Variants in PLXDC2 observed in about 807,000 individuals in gnomAD.
PLXDC2 encodes the protein plexin domain-containing protein 2.
PLXDC2 carries 40 observed loss-of-function variants against 68.9 expected under a neutral mutation model. That is an observed-to-expected ratio of 0.58 (90% CI 0.45 to 0.76). The LOEUF is 0.76. Among genes scored for constraint, PLXDC2 ranks in the 30% least tolerant of loss-of-function variants. PLXDC2 has a pLI of 0.00. For synonymous variants in PLXDC2, 243 were observed against 234.2 expected (o/e 1.04, Z -0.34); for missense variants, 644 against 661.9 (o/e 0.97, Z 0.30).
At chr10:20,146,640 G>T (rs1355898034) in intron 5 of PLXDC2, among the ~76,000 whole-genome samples, 1 of 150,130 alleles carries the variant, frequency 6.7e-6, no homozygotes. Context: ...CCAAGGTCAA[G>T]TTAAAAAACT....
intron 2 of PLXDC2, among the ~76,000 whole-genome samples, chr10:20,002,999 G>C (rs1428367580): frequency 1.3e-5 from 2 of 152,098 alleles, no homozygotes; most frequent in Admixed American, 6.5e-5. Flanking sequence ...CTTTATTATG[G>C]TTGGAGCTAT....
At chr10:20,026,216 C>G (rs77908472) in intron 2 of PLXDC2, among the ~76,000 whole-genome samples, 1 of 151,826 alleles carries the variant, frequency 6.6e-6, no homozygotes, top group Non-Finnish European at 1.5e-5. Flanking sequence ...AGCATAAATG[C>G]AGAGACTATG....
chr10:19,921,086 T>G (rs1478663487), intron 1 of PLXDC2, among the ~76,000 whole-genome samples: 1 of 150,352 alleles, frequency 6.7e-6, no homozygotes, highest in Non-Finnish European at 1.5e-5. Flanking sequence ...CACCACCATG[T>G]CTGGCTTTCT....
intron 11 of PLXDC2, among the ~76,000 whole-genome samples, chr10:20,218,236 A>C (rs1588524168): frequency 6.6e-6 from 1 of 152,160 alleles, no homozygotes; most frequent in South Asian, 2.1e-4. Flanking sequence ...GGGCAGAAAC[A>C]TAAGACTGGC....
chr10:19,927,615 T>C (rs562717808), intron 1 of PLXDC2, among the ~76,000 whole-genome samples: 152 of 146,948 alleles, frequency 1.0e-3, no homozygotes, highest in African/African-American at 2.3e-3. Context: ...GGCAGGAGAA[T>C]CGCTTGAACC....
At chr10:20,126,812 T>TAGAACACACGTTATATATGTATAC (rs1463877022) in intron 4 of PLXDC2, among the ~76,000 whole-genome samples, 1 of 147,518 alleles carries the variant, frequency 6.8e-6, no homozygotes, top group Non-Finnish European at 1.5e-5. Flanking sequence ...TATATGTATA[T>TAGAACACACGTTATATATGTATAC]ATAACATATA....
At chr10:19,856,698 C>T (rs1031911311) in intron 1 of PLXDC2, among the ~76,000 whole-genome samples, 1 of 152,066 alleles carries the variant, frequency 6.6e-6, no homozygotes, top group Admixed American at 6.6e-5. Flanking sequence ...TTCTCCATAC[C>T]GAAAATAAAC....
intron 1 of PLXDC2, among the ~76,000 whole-genome samples, chr10:19,949,123 CA>C (rs60138814): frequency 0.14 from 11,224 of 82,108 alleles, 179 homozygotes; most frequent in South Asian, 0.2. Flanking sequence ...GAGACTTTGT[CA>C]AAAAAAAAAA....
intron 2 of PLXDC2, among the ~76,000 whole-genome samples, chr10:20,010,231 G>T (rs947189276): frequency 6.6e-6 from 1 of 152,136 alleles, no homozygotes; most frequent in African/African-American, 2.4e-5. Context: ...GTTGCCAAAG[G>T]TTGTGTTAAC....
At chr10:19,938,323 T>C (rs573406114) in intron 1 of PLXDC2, among the ~76,000 whole-genome samples, 1 of 152,164 alleles carries the variant, frequency 6.6e-6, no homozygotes, top group African/African-American at 2.4e-5. Context: ...CATTCTCATA[T>C]TGTTATAAAT....
chr10:20,071,069 A>G (rs1038884931), intron 4 of PLXDC2: 9 of 152,294 alleles, frequency 5.9e-5, no homozygotes, highest in Admixed American at 3.3e-4. Context: ...CTTAAAACAC[A>G]CTAGCACGCA....
chr10:20,054,896 T>A (rs1285499184), intron 3 of PLXDC2, among the ~76,000 whole-genome samples: 2 of 152,108 alleles, frequency 1.3e-5, no homozygotes, highest in Non-Finnish European at 2.9e-5. Context: ...TAGGTAAAGA[T>A]GCCTGATAGG....
chr10:19,943,097 T>C (rs1319857297), intron 1 of PLXDC2, among the ~76,000 whole-genome samples: 1 of 152,200 alleles, frequency 6.6e-6, no homozygotes, highest in Non-Finnish European at 1.5e-5. Flanking sequence ...TCCATCCTTA[T>C]ACACTTGCCA....
intron 1 of PLXDC2, among the ~76,000 whole-genome samples, chr10:19,824,105 T>C (rs1286232350): frequency 6.6e-6 from 1 of 152,168 alleles, no homozygotes; most frequent in Non-Finnish European, 1.5e-5. Flanking sequence ...CTCCCCAAGA[T>C]ATTATGCCAT....
intron 1 of PLXDC2, among the ~76,000 whole-genome samples, chr10:19,864,959 T>G (rs72784133): frequency 0.045 from 6,785 of 152,266 alleles, 193 homozygotes; most frequent in Middle Eastern, 0.12. Flanking sequence ...GAGGCATTCT[T>G]GCCTTTAAGG....
intron 1 of PLXDC2, among the ~76,000 whole-genome samples, chr10:19,910,299 G>A (rs1833243335): frequency 6.6e-6 from 1 of 151,818 alleles, no homozygotes; most frequent in African/African-American, 2.4e-5. Flanking sequence ...CGATAATAAT[G>A]ATAATCAGAA....
chr10:19,994,034 C>A (rs1834796898), intron 1 of PLXDC2, among the ~76,000 whole-genome samples: 1 of 152,066 alleles, frequency 6.6e-6, no homozygotes, highest in Admixed American at 6.6e-5. Context: ...TTCTTTTTTT[C>A]ATCTAGTTTC....
intron 3 of PLXDC2, 43 bp downstream of exon 3, chr10:20,047,058 A>G (rs971025012): frequency 6.6e-7 from 1 of 1,524,724 alleles, no homozygotes; most frequent in African/African-American, 1.4e-5. Context: ...CTACTGTGAA[A>G]AAATAATTGC....
chr10:19,829,329 C>T (rs1292921757), intron 1 of PLXDC2, among the ~76,000 whole-genome samples: 1 of 152,084 alleles, frequency 6.6e-6, no homozygotes, highest in East Asian at 1.9e-4. Context: ...ATAGGAAGCT[C>T]TCTGAAAATT....
Sources: gnomAD v4.1 joint callset for allele counts (sites outside exome capture counted in the v4.1 genomes callset) on GRCh38, gnomAD v4.1.1 for gene constraint, MANE v1.5 for transcripts, NCBI Gene and HGNC (gene_info 2026-07-23, HGNC 2026-07-21) for gene names.